FGF13: variants seen among roughly 807,000 people sequenced by gnomAD.
FGF13 encodes the protein fibroblast growth factor homologous factor 2.
In FGF13, 2 loss-of-function variants were observed where a neutral mutation model predicts 19.5. The ratio of observed to expected loss-of-function variants is 0.10; its 90% CI spans 0.04 to 0.32. FGF13 has a LOEUF of 0.32. Among genes scored for constraint, FGF13 ranks in the 10% least tolerant of loss-of-function variants. The probability of loss-of-function intolerance (pLI) is 1.00; values close to 1 mark genes in which losing one functional copy is unlikely to be tolerated. For missense variants in FGF13, 113 were observed against 192.7 expected (o/e 0.59, Z 2.45); for synonymous variants, 72 against 76.9 (o/e 0.94, Z 0.33).
intron 1 of FGF13, among the ~76,000 whole-genome samples, chrX:139,026,182 A>G (rs760933192): frequency 9.0e-6 from 1 of 111,159 alleles, no homozygotes; most frequent in Admixed American, 9.6e-5. Context: ...ACAATAATAT[A>G]TATCTATTAA....
chrX:139,106,108 A>T (rs920933919), intron 1 of FGF13, among the ~76,000 whole-genome samples: 2 of 111,881 alleles, frequency 1.8e-5, no homozygotes, highest in African/African-American at 6.5e-5. Flanking sequence ...GCTAAAGCAA[A>T]CCTGTGCTTC....
At chrX:139,137,753 C>T (rs2083811890) in intron 1 of FGF13, among the ~76,000 whole-genome samples, 1 of 112,343 alleles carries the variant, frequency 8.9e-6, no homozygotes, top group Non-Finnish European at 1.9e-5. Context: ...CAGGCTAAAC[C>T]CACTTCAACA....
chrX:139,013,683 G>A lies in FGF13; in HGVS notation c.-112-149033C>T, dbSNP rs1043565182. Among the ~76,000 whole-genome samples the A allele has an allele frequency of 2.8e-5, 3 of 107,478 alleles. 1 individual carries two copies. The highest frequency in any genetic ancestry group is 5.8e-5 in the Non-Finnish European group (3 of 52,049). The allele number at this position is 107,478 out of a possible 115,157, so 93.3% of individuals were successfully genotyped here. On this transcript the variant is annotated intron_variant, in intron 1 of 2. Transcript: ENST00000421460. The stretch of plus-strand genomic sequence containing the variant: ...CACTCATATGTGGGAGCTAAGCTAT[G>A]AGGACGCAAAGGTATACAAATGACA...
chrX:138,691,135 T>C (rs1297947463), intron 3 of FGF13, among the ~76,000 whole-genome samples: 1 of 111,305 alleles, frequency 9.0e-6, no homozygotes, highest in Non-Finnish European at 1.9e-5. Context: ...AAATTTCTGC[T>C]TCAAAGGTTA....
At chrX:139,004,401 G>A (rs1328111873) in intron 1 of FGF13, among the ~76,000 whole-genome samples, 1 of 112,552 alleles carries the variant, frequency 8.9e-6, no homozygotes, top group African/African-American at 3.2e-5. Context: ...TCCTGCTCGC[G>A]CCTCTCCCTC....
chrX:139,060,652 T>C (rs965340090), intron 1 of FGF13, among the ~76,000 whole-genome samples: 1 of 111,856 alleles, frequency 8.9e-6, no homozygotes, highest in Admixed American at 9.5e-5. Context: ...GTGGTAATCA[T>C]ATATGCAAGT....
At chrX:139,161,643 A>G (rs1333373247) in intron 1 of FGF13, among the ~76,000 whole-genome samples, 4 of 112,152 alleles carry the variant, frequency 3.6e-5, no homozygotes, top group Non-Finnish European at 7.5e-5. Flanking sequence ...TTGTAAATTT[A>G]GACAATCCCA....
intron 3 of FGF13, among the ~76,000 whole-genome samples, chrX:138,792,051 G>A (rs943513236): frequency 2.7e-5 from 3 of 111,647 alleles, no homozygotes; most frequent in African/African-American, 9.8e-5. Context: ...CCAAAAAGCT[G>A]AGTAGTGTTG....
chrX:138,686,188 G>A (rs1363262231), intron 3 of FGF13, among the ~76,000 whole-genome samples: 1 of 111,335 alleles, frequency 9.0e-6, no homozygotes, highest in East Asian at 2.8e-4. Context: ...TTTCCCTAAT[G>A]CTCCAACAAA....
At chrX:138,774,862 G>A (rs1402038716) in intron 3 of FGF13, among the ~76,000 whole-genome samples, 1 of 112,463 alleles carries the variant, frequency 8.9e-6, no homozygotes, top group Non-Finnish European at 1.9e-5. Flanking sequence ...TTGATTGTCA[G>A]CAATTTATTT....
chrX:139,074,207 T>C (rs1396273209), intron 1 of FGF13, among the ~76,000 whole-genome samples: 1 of 112,411 alleles, frequency 8.9e-6, no homozygotes, highest in Non-Finnish European at 1.9e-5. Flanking sequence ...TACAAAAATG[T>C]ATAACTCATC....
intron 1 of FGF13, among the ~76,000 whole-genome samples, chrX:138,918,039 T>C (rs1412331797): frequency 9.0e-6 from 1 of 111,286 alleles, no homozygotes; most frequent in Non-Finnish European, 1.9e-5. Context: ...TCCATCTCCC[T>C]TGGAAAGAAC....
In FGF13 at chrX:138,910,279, C is replaced by T. The variant is rs7876099; in HGVS notation, c.-112-45629G>A. The stretch of plus-strand genomic sequence containing the variant: ...TGATCAGGTTGGTCATTTTTGATCA[C>T]AAAGAGCAACCCATAAGATTGGCAA... On this transcript the variant is annotated intron_variant, in intron 1 of 2. Transcript: ENST00000421460. Among the ~76,000 whole-genome samples, 725 of 110,974 alleles carry T rather than the reference C, an allele frequency of 6.5e-3. 2 individuals carry two copies. Among genetic ancestry groups the T allele is most frequent in the Non-Finnish European group, 0.011 (579 of 53,019 alleles).
chrX:138,945,035 G>T (rs185288232), intron 1 of FGF13, among the ~76,000 whole-genome samples: 1 of 109,450 alleles, frequency 9.1e-6, no homozygotes, highest in Non-Finnish European at 1.9e-5. Flanking sequence ...TGTTCTTCTT[G>T]GTGGTAGAAG....
chrX:138,725,924 G>A (rs2090182201), intron 1 of FGF13, among the ~76,000 whole-genome samples: 1 of 111,139 alleles, frequency 9.0e-6, no homozygotes, highest in South Asian at 3.8e-4. Context: ...GCATCGAGTT[G>A]TATAAAAGTT....
chrX:138,856,082 C>A (rs2091256144), downstream of FGF13, among the ~76,000 whole-genome samples: 1 of 110,060 alleles, frequency 9.1e-6, no homozygotes, highest in Non-Finnish European at 1.9e-5. Context: ...TTTTTTGTTT[C>A]ATTAAAGTAC....
intron 1 of FGF13, among the ~76,000 whole-genome samples, chrX:139,047,392 GTT>G (rs11310884): frequency 1.9e-5 from 2 of 105,508 alleles, no homozygotes; most frequent in African/African-American, 7.0e-5. Context: ...TTATTTTTTG[GTT>G]TTTTTTTTCT....
intron 1 of FGF13, among the ~76,000 whole-genome samples, chrX:139,122,719 A>ATCT (rs2083686461): frequency 9.0e-6 from 1 of 111,392 alleles, no homozygotes; most frequent in Non-Finnish European, 1.9e-5. Context: ...AGACTTCTTC[A>ATCT]TCTTAGTAAA....
At chrX:138,853,883 T>G (rs1304792456), downstream of FGF13, among the ~76,000 whole-genome samples, 1 of 111,673 alleles carries the variant, frequency 9.0e-6, no homozygotes. Context: ...TGATTCTCTT[T>G]AACAATCTTC....
Sources: gnomAD v4.1 joint callset for allele counts (sites outside exome capture counted in the v4.1 genomes callset) on GRCh38, gnomAD v4.1.1 for gene constraint, MANE v1.5 for transcripts, NCBI Gene and HGNC (gene_info 2026-07-23, HGNC 2026-07-21) for gene names.